DNAJC13: variants seen among roughly 807,000 people sequenced by gnomAD.
The protein encoded by DNAJC13 is DnaJ heat shock protein family (Hsp40) member C13.
DNAJC13 carries 75 observed loss-of-function variants against 290.5 expected under a neutral mutation model. That is an observed-to-expected ratio of 0.26 (90% CI 0.21 to 0.31). The LOEUF is 0.31. DNAJC13 is among the 10% of genes least tolerant of loss of function. DNAJC13 has a pLI of 1.00. For synonymous variants in DNAJC13, 862 were observed against 892.0 expected (o/e 0.97, Z 0.60); for missense variants, 2,260 against 2,674.5 (o/e 0.85, Z 3.42).
chr3:132,511,239 A>C lies in DNAJC13; in HGVS notation c.5288A>C (p.Asn1763Thr). 3.1e-6 allele frequency: 5 copies of C among 1,613,870 alleles called. No individual in the cohort carries two copies. Among genetic ancestry groups the C allele is most frequent in the Non-Finnish European group, 4.2e-6 (5 of 1,179,814 alleles). The change falls in exon 44 of 56, where the codon AAT (asparagine) becomes ACT (threonine). Residue 1763 changes from asparagine to threonine, a missense_variant. Coordinates refer to ENST00000260818, the MANE Select transcript of DNAJC13 (RefSeq NM_015268.4). ...GCTCTGAGAAATGTCATAAAATACA[A>C]TCCAGGTATGTGACTACACCTTTGA... The part of the protein sequence containing the change: ...LEALRNVIKY[N>T]PGSESECIGH...
At chr3:132,432,343 C>T (rs951678980) in intron 1 of DNAJC13, among the ~76,000 whole-genome samples, 1 of 152,104 alleles carries the variant, frequency 6.6e-6, no homozygotes, top group African/African-American at 2.4e-5. Context: ...GCTGGGATTA[C>T]AGGCGTCTGC....
At chr3:132,429,841 G>A (rs1486070784) in intron 1 of DNAJC13, among the ~76,000 whole-genome samples, 2 of 152,126 alleles carry the variant, frequency 1.3e-5, no homozygotes, top group African/African-American at 4.8e-5. Flanking sequence ...AAATAGAGGA[G>A]CAATTTTCTT....
At chr3:132,420,079 A>T (rs977479273) in intron 1 of DNAJC13, among the ~76,000 whole-genome samples, 3 of 152,248 alleles carry the variant, frequency 2.0e-5, no homozygotes, top group Non-Finnish European at 2.9e-5. Context: ...TTTGAGAGAC[A>T]GTGCTTACAG....
Position 132,538,977 on chromosome 3 carries a change from C to T in DNAJC13, c.*695C>T, listed in dbSNP as rs1936683897. ...TTGAATGTACATTATACAGATCATT[C>T]ATATGTGTACATAAAATTTTAAAAA... On this transcript the variant is annotated 3_prime_UTR_variant, in exon 56 of 56. Coordinates refer to ENST00000260818, the MANE Select transcript of DNAJC13 (RefSeq NM_015268.4). The T allele has an allele frequency of 6.6e-6, 1 of 152,538 alleles. No individual in the cohort carries two copies. The highest frequency in any genetic ancestry group is 1.5e-5 in the Non-Finnish European group (1 of 68,022). 9.4% of individuals were successfully genotyped at this position (152,538 alleles called of 1,614,324 possible). A position where few individuals can be genotyped will look rare whatever the true frequency, so the allele number is the denominator to read the frequency against.
intron 1 of DNAJC13, among the ~76,000 whole-genome samples, chr3:132,432,943 CA>C (rs143407123): frequency 0.011 from 1,626 of 152,276 alleles, 31 homozygotes; most frequent in African/African-American, 0.037. Flanking sequence ...GGCTTGGAAA[CA>C]AACCATTTGC....
chr3:132,479,887 C>A (rs1400912787), intron 25 of DNAJC13, among the ~76,000 whole-genome samples: 1 of 151,984 alleles, frequency 6.6e-6, no homozygotes, highest in Non-Finnish European at 1.5e-5. Context: ...TTAAGTAATG[C>A]AAATGTTTTA....
intron 10 of DNAJC13, 42 bp from the exon 11 acceptor site, chr3:132,456,459 G>T: frequency 6.2e-7 from 1 of 1,608,418 alleles, no homozygotes; most frequent in South Asian, 1.1e-5. Context: ...TTAAGAATTA[G>T]GAATTCGTAT....
At chr3:132,468,350 A>G (rs1460857715) in intron 20 of DNAJC13, among the ~76,000 whole-genome samples, 2 of 152,228 alleles carry the variant, frequency 1.3e-5, no homozygotes, top group South Asian at 2.1e-4. Flanking sequence ...TTTCTAAAAC[A>G]AGTGGGTTTC....
chr3:132,501,948 G>A (rs547156426), intron 39 of DNAJC13, among the ~76,000 whole-genome samples: 47 of 152,210 alleles, frequency 3.1e-4, no homozygotes, highest in South Asian at 1.9e-3. Flanking sequence ...AAAATATGTC[G>A]TTACATTTAA....
Position 132,500,796 on chromosome 3 carries a change from G to A in DNAJC13, c.4419G>A (p.Val1473=), listed in dbSNP as rs763583116. 1.9e-6 allele frequency: 3 copies of A among 1,613,934 alleles called. No homozygotes were observed. Among genetic ancestry groups the A allele is most frequent in the East Asian group, 2.2e-5 (1 of 44,852 alleles). Residue 1473 remains valine (V), a splice_region_variant and synonymous_variant, in exon 39 of 56, where the codon GTG becomes GTA. Coordinates refer to ENST00000260818, the MANE Select transcript of DNAJC13 (RefSeq NM_015268.4). ...TTGCTCTGTTGTGTTGTCTGCAGGT[G>A]TGTGGATACATAAGTAAATGCTACA... ...ASKPSDMSVQ[V]CGYISKCYSV...
At position 132,457,274 on chromosome 3, in the gene DNAJC13, G is replaced by A. The variant is rs1351646579; in HGVS notation, c.1355G>A (p.Arg452His). The A allele has an allele frequency of 5.6e-6, 9 of 1,597,228 alleles. No individual in the cohort carries two copies. The highest frequency in any genetic ancestry group is 4.1e-5 in the African/African-American group (3 of 73,738). The change falls in exon 13 of 56, where the codon CGC (arginine) becomes CAC (histidine). Residue 452 changes from arginine (R) to histidine (H), a missense_variant. Physicochemically the swap from Arg to His is conservative, Grantham distance 29 (BLOSUM62 0). This residue lies in a region of DNAJC13 where 762 missense variants were observed against 964.1 expected (regional missense o/e 0.79). Transcript: ENST00000260818. Reference protein sequence around the residue: ...FLAFTQLPKFRERLGVKVVKA... With the variant: ...FLAFTQLPKFHERLGVKVVKA... ...CTTGTTTTTTGTTCCAAAAGGTTTCGCGAGCGTCTAGGGGTGAAGGTAGTA... is the reference window on the plus strand; with the variant it reads ...CTTGTTTTTTGTTCCAAAAGGTTTCACGAGCGTCTAGGGGTGAAGGTAGTA...
At chr3:132,519,099 T>C (rs890416656) in intron 48 of DNAJC13, among the ~76,000 whole-genome samples, 1 of 152,242 alleles carries the variant, frequency 6.6e-6, no homozygotes, top group Non-Finnish European at 1.5e-5. Context: ...CTCTGCTAAA[T>C]TACACTACTG....
chr3:132,453,993 A>G (rs971149378), intron 8 of DNAJC13, 73 bp from the exon 9 acceptor site: 2 of 1,108,280 alleles, frequency 1.8e-6, no homozygotes, highest in Admixed American at 2.4e-5. Flanking sequence ...AAGCTAAGTG[A>G]TGCATTTTAT....
At chr3:132,479,351 T>A (rs1025655362) in intron 25 of DNAJC13, 62 bp downstream of exon 25, 31 of 1,187,836 alleles carry the variant, frequency 2.6e-5, no homozygotes, top group Non-Finnish European at 3.9e-5. Flanking sequence ...TAAGATAAAC[T>A]CACAGTTTGA....
Position 132,526,174 on chromosome 3 carries a change from A to G in DNAJC13, c.6274A>G (p.Ile2092Val). ...TCGAGCCATGGCATCTTTAGAGACC[A>G]TTGGCCCACTGATGAATGGAATGAA... ...CVRAMASLET[I>V]GPLMNGMKKR... is the part of the protein sequence containing the mutation. Residue 2092 changes from isoleucine to valine, a missense_variant, in exon 53 of 56, where the codon ATT (isoleucine) becomes GTT (valine). Around this residue, in one of 3 missense-constraint regions of DNAJC13, gnomAD observed 1,494 missense variants for 1,693.7 expected, o/e 0.88. Coordinates refer to ENST00000260818, the MANE Select transcript of DNAJC13 (RefSeq NM_015268.4). 1 of 1,614,122 alleles carries G rather than the reference A, an allele frequency of 6.2e-7. No individual in the cohort carries two copies. Among genetic ancestry groups the G allele is most frequent in the African/African-American group, 1.3e-5 (1 of 75,042 alleles).
At chr3:132,520,707 CA>C (rs1210933632) in intron 48 of DNAJC13, among the ~76,000 whole-genome samples, 1 of 152,138 alleles carries the variant, frequency 6.6e-6, no homozygotes, top group Non-Finnish European at 1.5e-5. Flanking sequence ...CATGTTAAGA[CA>C]GTTATCCTAA....
At chr3:132,536,295 G>T (rs981845165) in intron 55 of DNAJC13, among the ~76,000 whole-genome samples, 1 of 152,168 alleles carries the variant, frequency 6.6e-6, no homozygotes, top group Non-Finnish European at 1.5e-5. Context: ...GTAGGCTGGG[G>T]TGGGAAGATC....
At chr3:132,536,835 G>C (rs1323499772) in intron 55 of DNAJC13, among the ~76,000 whole-genome samples, 2 of 152,094 alleles carry the variant, frequency 1.3e-5, no homozygotes, top group African/African-American at 4.8e-5. Context: ...ATAGATGCAG[G>C]CTCCCACAGT....
At chr3:132,479,167 A>T in intron 24 of DNAJC13, 60 bp from the exon 25 acceptor site, 1 of 1,089,404 alleles carries the variant, frequency 9.2e-7, no homozygotes, top group Non-Finnish European at 1.4e-6. Context: ...GTCTAGTAAT[A>T]GTAATACCTT....
Sources: allele counts gnomAD v4.1 joint callset (sites outside exome capture counted in the v4.1 genomes callset), GRCh38; gene constraint gnomAD v4.1.1; regional missense constraint gnomAD v4.1.1; transcripts MANE v1.5; gene names NCBI Gene and HGNC (gene_info 2026-07-23, HGNC 2026-07-21).